The following ATXN1 variants were observed in gnomAD, a reference collection of about 807,000 sequenced individuals.
The protein encoded by ATXN1 is ataxin-1.
In ATXN1, 8 loss-of-function variants were observed where a neutral mutation model predicts 56.4. That is an observed-to-expected ratio of 0.14 (90% CI 0.08 to 0.26). The LOEUF is 0.26. Among genes scored for constraint, ATXN1 ranks in the 10% least tolerant of loss-of-function variants. The pLI is 1.00. For synonymous variants in ATXN1, 514 were observed against 494.6 expected (o/e 1.04, Z -0.52); for missense variants, 987 against 1,106.5 (o/e 0.89, Z 1.53).
chr6:16,635,877 C>T (rs1024410560), intron 3 of ATXN1, among the ~76,000 whole-genome samples: 17 of 152,052 alleles, frequency 1.1e-4, no homozygotes, highest in African/African-American at 3.6e-4. Flanking sequence ...AAAGCGACGA[C>T]GCCCACTGTG....
intron 7 of ATXN1, among the ~76,000 whole-genome samples, chr6:16,319,554 A>G (rs1760596938): frequency 6.6e-6 from 1 of 152,236 alleles, no homozygotes; most frequent in South Asian, 2.1e-4. Flanking sequence ...CAAAAACAGC[A>G]TGTACAACAC....
intron 6 of ATXN1, among the ~76,000 whole-genome samples, chr6:16,330,197 T>C (rs1760947842): frequency 6.6e-6 from 1 of 152,072 alleles, no homozygotes; most frequent in South Asian, 2.1e-4. Context: ...ATTCCAGGCA[T>C]GAGCCACTGT....
intron 6 of ATXN1, among the ~76,000 whole-genome samples, chr6:16,445,846 C>A (rs1204153166): frequency 1.3e-5 from 2 of 150,980 alleles, no homozygotes; most frequent in Admixed American, 1.3e-4. Context: ...CTACAAAGGA[C>A]GTGAACTCAT....
In ATXN1 at chr6:16,327,718, T is replaced by A. The variant is rs1421683757; in HGVS notation, c.593A>T (p.Gln198Leu). Residue 198 changes from glutamine to leucine, a missense_variant, in exon 7 of 8, where the codon CAG becomes CTG. Coordinates refer to ENST00000436367, the MANE Select transcript of ATXN1 (RefSeq NM_001128164.2). Reference sequence around the variant, plus strand: ...CTGCTGCTGCTGCTGCTGCTGCTGCTGCTGCTCAGCCTTGTGTCCCGGCGT... The same window carrying A: ...CTGCTGCTGCTGCTGCTGCTGCTGCAGCTGCTCAGCCTTGTGTCCCGGCGT... ...SQTPGHKAEQ[Q>L]QQQQQQQQQQ... 1.9e-6 allele frequency: 3 copies of A among 1,606,720 alleles called. No homozygotes were observed. Among genetic ancestry groups the A allele is most frequent in the Non-Finnish European group, 2.5e-6 (3 of 1,179,638 alleles).
intron 2 of ATXN1, among the ~76,000 whole-genome samples, chr6:16,676,263 C>T (rs1206559143): frequency 6.6e-6 from 1 of 152,190 alleles, no homozygotes; most frequent in Non-Finnish European, 1.5e-5. Context: ...CAAAAGAATG[C>T]TCTTACATGG....
Position 16,639,091 on chromosome 6 carries a change from T to C in ATXN1, c.-489+18685A>G, listed in dbSNP as rs144276049. 5.8e-3 allele frequency among the ~76,000 whole-genome samples: 876 copies of C among 152,278 alleles called. 6 individuals are homozygous for C. Among genetic ancestry groups the C allele is most frequent in the African/African-American group, 0.02 (826 of 41,548 alleles). ...TTGTAAAATGGACCAATCAGCACTCTGTAAAATGGACCAATCAGTGCTCTG... is the reference window on the plus strand; with the variant it reads ...TTGTAAAATGGACCAATCAGCACTCCGTAAAATGGACCAATCAGTGCTCTG... On this transcript the variant is annotated intron_variant, in intron 3 of 7. Coordinates refer to ENST00000436367, the MANE Select transcript of ATXN1 (RefSeq NM_001128164.2).
At chr6:16,442,349 T>C (rs763837945) in intron 6 of ATXN1, among the ~76,000 whole-genome samples, 1 of 152,158 alleles carries the variant, frequency 6.6e-6, no homozygotes, top group Non-Finnish European at 1.5e-5. Context: ...AAGGCACTGA[T>C]ACAAAGACTG....
intron 6 of ATXN1, among the ~76,000 whole-genome samples, chr6:16,427,567 T>G (rs1561891838): frequency 6.6e-6 from 1 of 152,212 alleles, no homozygotes; most frequent in Non-Finnish European, 1.5e-5. Context: ...CGTTTCTGAT[T>G]TTTCCACACT....
chr6:16,714,458 C>G (rs531220819), intron 2 of ATXN1, among the ~76,000 whole-genome samples: 2 of 152,116 alleles, frequency 1.3e-5, no homozygotes, highest in Non-Finnish European at 2.9e-5. Flanking sequence ...GATTGTTTTC[C>G]TTTTGAAATA....
At chr6:16,436,503 A>G (rs1317400678) in intron 6 of ATXN1, among the ~76,000 whole-genome samples, 1 of 152,204 alleles carries the variant, frequency 6.6e-6, no homozygotes, top group South Asian at 2.1e-4. Context: ...CAAGCTTGTC[A>G]GTCAAAAAAG....
intron 5 of ATXN1, among the ~76,000 whole-genome samples, chr6:16,486,929 C>A (rs1276063417): frequency 1.3e-5 from 2 of 151,938 alleles, no homozygotes; most frequent in African/African-American, 4.8e-5. Flanking sequence ...AGTGGCACAG[C>A]GAGGCCCTGC....
At chr6:16,339,633 T>A (rs2113437510) in intron 6 of ATXN1, among the ~76,000 whole-genome samples, 1 of 152,312 alleles carries the variant, frequency 6.6e-6, no homozygotes, top group East Asian at 1.9e-4. Context: ...TCACCCCATT[T>A]CAAAGACAAG....
chr6:16,691,957 G>A (rs1232379745), intron 2 of ATXN1, among the ~76,000 whole-genome samples: 1 of 152,218 alleles, frequency 6.6e-6, no homozygotes, highest in Non-Finnish European at 1.5e-5. Context: ...TGCCATCTGT[G>A]AGCCTTAGAA....
intron 2 of ATXN1, among the ~76,000 whole-genome samples, chr6:16,665,792 ACTGTAT>A (rs1758411927): frequency 6.6e-6 from 1 of 152,184 alleles, no homozygotes; most frequent in African/African-American, 2.4e-5. Context: ...TGGGCGGAAA[ACTGTAT>A]TTACTTGGAT....
intron 2 of ATXN1, among the ~76,000 whole-genome samples, chr6:16,677,666 A>G (rs1458411477): frequency 1.3e-5 from 2 of 152,206 alleles, no homozygotes; most frequent in Non-Finnish European, 2.9e-5. Context: ...GTTAGTCTTC[A>G]TGAAATTTAA....
At chr6:16,332,091 C>T (rs1432791603) in intron 6 of ATXN1, among the ~76,000 whole-genome samples, 2 of 152,210 alleles carry the variant, frequency 1.3e-5, no homozygotes. Context: ...GCAGTTGCAG[C>T]GAGCTGGGGC....
chr6:16,678,573 G>A (rs1033655934), intron 2 of ATXN1, among the ~76,000 whole-genome samples: 5 of 152,166 alleles, frequency 3.3e-5, no homozygotes, highest in African/African-American at 7.2e-5. Context: ...ATAGGATGTG[G>A]AATTAAGATT....
rs141314975 is a variant in ATXN1, at chr6:16,728,820, C to T, written c.-615+24413G>A. ...GGTATACCCAACCACAGATGAGGGA[C>T]GCAGGCACAACCTTCACCAAGTGTG... On this transcript the variant is annotated intron_variant, in intron 2 of 7. Transcript: ENST00000436367. Among the ~76,000 whole-genome samples, 691 of 152,272 alleles carry T rather than the reference C, an allele frequency of 4.5e-3. 8 individuals carry two copies. The highest frequency in any genetic ancestry group is 5.3e-3 in the Non-Finnish European group (359 of 68,018).
intron 6 of ATXN1, among the ~76,000 whole-genome samples, chr6:16,402,904 C>T (rs1758607467): frequency 6.6e-6 from 1 of 152,214 alleles, no homozygotes; most frequent in Non-Finnish European, 1.5e-5. Flanking sequence ...GTTATCTTAA[C>T]TCCACAGAAA....
Sources: gnomAD v4.1 joint callset for allele counts (sites outside exome capture counted in the v4.1 genomes callset) on GRCh38, gnomAD v4.1.1 for gene constraint, MANE v1.5 for transcripts, NCBI Gene and HGNC (gene_info 2026-07-23, HGNC 2026-07-21) for gene names.